Variants in SLC6A16 observed in about 807,000 individuals in gnomAD.
SLC6A16 encodes the protein orphan sodium- and chloride-dependent neurotransmitter transporter NTT5.
SLC6A16 carries 54 observed loss-of-function variants against 65.4 expected under a neutral mutation model. That is an observed-to-expected ratio of 0.83 (90% CI 0.66 to 1.04). The LOEUF is 1.04. SLC6A16 is among the 50% of genes least tolerant of loss of function. The probability of loss-of-function intolerance (pLI) is 0.00; values close to 1 mark genes in which losing one functional copy is unlikely to be tolerated. For synonymous variants in SLC6A16, 330 were observed against 346.5 expected (o/e 0.95, Z 0.53); for missense variants, 816 against 914.0 (o/e 0.89, Z 1.38).
chr19:49,328,799 C>T (rs530930406), upstream of SLC6A16, among the ~76,000 whole-genome samples: 1 of 152,326 alleles, frequency 6.6e-6, no homozygotes, highest in South Asian at 2.1e-4. Flanking sequence ...TTCTTACTTG[C>T]CCATTCCCTT....
intron 10 of SLC6A16, among the ~76,000 whole-genome samples, chr19:49,291,165 C>T (rs1970071392): frequency 6.6e-6 from 1 of 152,100 alleles, no homozygotes; most frequent in Non-Finnish European, 1.5e-5. Context: ...TTTCAGCCAC[C>T]TATCCAGTCT....
chr19:49,301,231 G>C (rs1026093172), intron 7 of SLC6A16, among the ~76,000 whole-genome samples: 2 of 152,008 alleles, frequency 1.3e-5, no homozygotes, highest in Non-Finnish European at 2.9e-5. Context: ...GCATGGAGAG[G>C]GAATTCCCTG....
At position 49,309,814 on chromosome 19, in the gene SLC6A16, TCA is replaced by T; in HGVS notation, c.711_712del (p.Cys237Ter). On this transcript the variant is annotated stop_gained and frameshift_variant, in exon 5 of 12. Coordinates refer to ENST00000335875, the MANE Select transcript of SLC6A16 (RefSeq NM_014037.3). LOFTEE classifies it high-confidence loss of function. ...GAAGTATATGGAGGGTGTTGTCCGT[TCA>T]CATTCAGGATCTGGGGGGACCTGGC... 2.5e-6 allele frequency: 4 copies of T among 1,610,908 alleles called. No individual in the cohort carries two copies. Among genetic ancestry groups the T allele is most frequent in the Non-Finnish European group, 3.4e-6 (4 of 1,177,470 alleles).
rs115089304 is a variant in SLC6A16, at chr19:49,321,857, C to T, written c.-65+3191G>A. Among the ~76,000 whole-genome samples the T allele has an allele frequency of 7.4e-3, 1,114 of 151,206 alleles. 19 individuals carry two copies. Among genetic ancestry groups the T allele is most frequent in the African/African-American group, 0.023 (965 of 41,150 alleles). On this transcript the variant is annotated intron_variant, in intron 1 of 11. Coordinates refer to ENST00000335875, the MANE Select transcript of SLC6A16 (RefSeq NM_014037.3). ...GAATCACTTCAGCCCAGGAGGTCAA[C>T]GCTACAGTGAGCCATGATGACACCA... is the stretch of plus-strand genomic sequence containing the variant.
chr19:49,338,010 G>A, the SLC6A16 span: 1 of 1,613,988 alleles, frequency 6.2e-7, no homozygotes, highest in South Asian at 1.1e-5. This position sits in a 1 kb window ranked among gnomAD's most constrained non-coding sequence, Gnocchi z 5.0. Context: ...GAGGAGAGCT[G>A]GGACTATGTG....
chr19:49,326,792 G>T (rs1970802679), upstream of SLC6A16, among the ~76,000 whole-genome samples: 1 of 152,042 alleles, frequency 6.6e-6, no homozygotes, highest in Non-Finnish European at 1.5e-5. Context: ...GCCAAGGTGG[G>T]CGGATCACAT....
chr19:49,299,889 G>T (rs1317949614), intron 7 of SLC6A16, among the ~76,000 whole-genome samples: 1 of 77,806 alleles, frequency 1.3e-5, no homozygotes, highest in Non-Finnish European at 3.1e-5. Context: ...CGGGCGTGGT[G>T]GTGGGCACCT....
intron 7 of SLC6A16, among the ~76,000 whole-genome samples, chr19:49,296,552 A>C (rs1970190274): frequency 6.6e-6 from 1 of 152,258 alleles, no homozygotes; most frequent in Non-Finnish European, 1.5e-5. Context: ...GGATAGTCTT[A>C]TTAACAAATA....
upstream of SLC6A16, among the ~76,000 whole-genome samples, chr19:49,326,505 G>A (rs1450286264): frequency 1.3e-5 from 2 of 152,178 alleles, no homozygotes; most frequent in African/African-American, 4.8e-5. Context: ...TGAACAAAGA[G>A]ATGAAGAGGA....
At chr19:49,296,607 G>A (rs1299765678) in intron 7 of SLC6A16, among the ~76,000 whole-genome samples, 1 of 152,130 alleles carries the variant, frequency 6.6e-6, no homozygotes, top group Non-Finnish European at 1.5e-5. Context: ...ATTTAATTTT[G>A]ATCCTTGCCT....
the SLC6A16 span, chr19:49,339,973 G>A: frequency 8.4e-6 from 12 of 1,423,754 alleles, no homozygotes; most frequent in African/African-American, 1.4e-5. This position sits in a 1 kb window ranked among gnomAD's most constrained non-coding sequence, Gnocchi z 4.5. Flanking sequence ...TGAGGCAGAG[G>A]GGGAAGACAG....
At chr19:49,314,567 G>A (rs1407826057) in intron 1 of SLC6A16, among the ~76,000 whole-genome samples, 2 of 152,094 alleles carry the variant, frequency 1.3e-5, no homozygotes, top group Non-Finnish European at 2.9e-5. Context: ...ATTTGATGGG[G>A]ACAGGATAAT....
chr19:49,324,738 G>A (rs958245524), intron 1 of SLC6A16, among the ~76,000 whole-genome samples: 1 of 152,194 alleles, frequency 6.6e-6, no homozygotes, highest in Admixed American at 6.5e-5. Flanking sequence ...TCTGCCACTC[G>A]GGCACTTGAC....
chr19:49,332,851 T>G, the SLC6A16 span, among the ~76,000 whole-genome samples: 1 of 151,888 alleles, frequency 6.6e-6, no homozygotes, highest in African/African-American at 2.4e-5. Context: ...CAGAGAGGCG[T>G]TGGTGGTGGT....
At chr19:49,338,126 A>G in the SLC6A16 span, 2 of 1,517,044 alleles carry the variant, frequency 1.3e-6, no homozygotes, top group South Asian at 1.3e-5. This position sits in a 1 kb window ranked among gnomAD's most constrained non-coding sequence, Gnocchi z 5.0. Context: ...CCCCAGCTCT[A>G]CGATCCTAAC....
At position 49,294,004 on chromosome 19, in the gene SLC6A16, A is replaced by T. The variant is rs1268136409; in HGVS notation, c.1441T>A (p.Phe481Ile). ...GACATGGCTTCAACAAAGGACAGGA[A>T]TGCAAACTTTGGGCCCTCGCTAGCC... is the stretch of plus-strand genomic sequence containing the variant. ...LKASEGPKFAFLSFVEAMSFL... is the reference protein window; with the variant it reads ...LKASEGPKFAILSFVEAMSFL... Residue 481 changes from phenylalanine (F) to isoleucine (I), a missense_variant, in exon 9 of 12, where the codon TTC (phenylalanine) becomes ATC (isoleucine). By Grantham distance (21) the Phe-to-Ile change is conservative. Coordinates refer to ENST00000335875, the MANE Select transcript of SLC6A16 (RefSeq NM_014037.3). The T allele has an allele frequency of 6.2e-7, 1 of 1,612,820 alleles. No homozygotes were observed. Among genetic ancestry groups the T allele is most frequent in the Admixed American group, 1.7e-5 (1 of 60,020 alleles).
chr19:49,290,310 G>A lies in SLC6A16; in HGVS notation c.2024C>T (p.Pro675Leu). The A allele has an allele frequency of 1.2e-6, 2 of 1,614,132 alleles. No homozygotes were observed. Among genetic ancestry groups the A allele is most frequent in the Non-Finnish European group, 1.7e-6 (2 of 1,180,026 alleles). The change falls in exon 12 of 12, where the codon CCT becomes CTT. Residue 675 changes from proline to leucine, a missense_variant. Transcript: ENST00000335875. Reference sequence around the variant, plus strand: ...TATGCGGCAGTATACAAAGTATGCAGGGATGGGGAGGATGACAATGGCAAA... The same window carrying A: ...TATGCGGCAGTATACAAAGTATGCAAGGATGGGGAGGATGACAATGGCAAA... The part of the protein sequence containing the change: ...TLFAIVILPI[P>L]AYFVYCRIHR...
chr19:49,309,128 G>A lies in SLC6A16; in HGVS notation c.988-11C>T, dbSNP rs767703362. 50 of 1,613,570 alleles carry A rather than the reference G, an allele frequency of 3.1e-5. No homozygotes were observed. Among genetic ancestry groups the A allele is most frequent in the Non-Finnish European group, 4.2e-5 (49 of 1,179,686 alleles). On this transcript the variant is annotated splice_polypyrimidine_tract_variant and intron_variant, in intron 6 of 11. Coordinates refer to ENST00000335875, the MANE Select transcript of SLC6A16 (RefSeq NM_014037.3). ...GTACACATCCGATATCTAAAAGAGAGAAGACAAGCATAAGGGGGTTGTAAA... is the reference window on the plus strand; with the variant it reads ...GTACACATCCGATATCTAAAAGAGAAAAGACAAGCATAAGGGGGTTGTAAA...
Position 49,294,369 on chromosome 19 carries a change from T to C in SLC6A16, c.1414A>G (p.Lys472Glu), listed in dbSNP as rs1421291022. 1 of 1,613,756 alleles carries C rather than the reference T, an allele frequency of 6.2e-7. No homozygotes were observed. Among genetic ancestry groups the C allele is most frequent in the Non-Finnish European group, 8.5e-7 (1 of 1,179,908 alleles). ...CCCCCTCAGCTATGTTTACTGACCT[T>C]AAGAAACTGAGTCTCTATGTTGCAC... ...TECNIETQFL[K>E]ASEGPKFAFL... Residue 472 changes from lysine (K) to glutamate (E), a missense_variant and splice_region_variant, in exon 8 of 12, where the codon AAG becomes GAG. Physicochemically the swap from Lys to Glu is moderately conservative, Grantham distance 56 (BLOSUM62 1). Transcript: ENST00000335875.
Sources: allele counts gnomAD v4.1 joint callset (sites outside exome capture counted in the v4.1 genomes callset), GRCh38; gene constraint gnomAD v4.1.1; non-coding constraint Gnocchi (gnomAD v3.1); transcripts MANE v1.5; gene names NCBI Gene and HGNC (gene_info 2026-07-23, HGNC 2026-07-21).